RIPOR3: variants seen among roughly 807,000 people sequenced by gnomAD.
The protein encoded by RIPOR3 is family with sequence similarity 65 member C.
In RIPOR3, 95 loss-of-function variants were observed where a neutral mutation model predicts 114.3. The observed-to-expected ratio is 0.83, with a 90% CI of 0.70 to 0.99. The LOEUF is 0.99. Ranked by LOEUF, RIPOR3 falls within the 50% of genes least tolerant of loss-of-function variation. The pLI, the probability that RIPOR3 is intolerant of heterozygous loss-of-function variation, is 0.00. For synonymous variants in RIPOR3, 575 were observed against 543.8 expected (o/e 1.06, Z -0.80); for missense variants, 1,252 against 1,266.9 (o/e 0.99, Z 0.18).
chr20:50,615,263 C>G (rs62202773), intron 4 of RIPOR3, among the ~76,000 whole-genome samples: 2,118 of 151,990 alleles, frequency 0.014, 19 homozygotes, highest in Non-Finnish European at 0.022. Context: ...GTGCCTCACA[C>G]CTGTAATCCC....
chr20:50,687,827 T>C (rs1278169869), intron 1 of RIPOR3, among the ~76,000 whole-genome samples: 3 of 151,238 alleles, frequency 2.0e-5, no homozygotes, highest in African/African-American at 7.3e-5. Context: ...TGCTTGAACC[T>C]GGGAGGCGGA....
chr20:50,611,854 T>A (rs969331158), intron 4 of RIPOR3, among the ~76,000 whole-genome samples: 7 of 152,194 alleles, frequency 4.6e-5, no homozygotes, highest in Non-Finnish European at 1.0e-4. Flanking sequence ...CCAGGCGCAG[T>A]GGCTCACGCC....
chr20:50,639,325 A>G (rs1173471567), intron 1 of RIPOR3, among the ~76,000 whole-genome samples: 2 of 152,022 alleles, frequency 1.3e-5, no homozygotes, highest in Non-Finnish European at 2.9e-5. Flanking sequence ...GCATTGCTCA[A>G]AGAATTCACT....
intron 2 of RIPOR3, among the ~76,000 whole-genome samples, chr20:50,624,519 T>C (rs1460250979): frequency 6.6e-6 from 1 of 152,190 alleles, no homozygotes; most frequent in Non-Finnish European, 1.5e-5. Flanking sequence ...GTGCTCCTTG[T>C]GTGAGGTTTA....
chr20:50,623,542 G>A (rs555021794), intron 2 of RIPOR3, among the ~76,000 whole-genome samples: 1 of 152,288 alleles, frequency 6.6e-6, no homozygotes, highest in East Asian at 1.9e-4. Context: ...TGGACCTGGG[G>A]CCTCTCTAGT....
At chr20:50,652,768 G>A (rs1373118088) in intron 1 of RIPOR3, among the ~76,000 whole-genome samples, 1 of 152,132 alleles carries the variant, frequency 6.6e-6, no homozygotes, top group Non-Finnish European at 1.5e-5. Context: ...GAGGGCGGTC[G>A]TCATCCAAAA....
In RIPOR3 at chr20:50,590,499, T is replaced by G. The variant is rs540836578; in HGVS notation, c.2578-730A>C. 5.9e-5 allele frequency among the ~76,000 whole-genome samples: 9 copies of G among 152,292 alleles called. No homozygotes were observed. The East Asian group carries it at 1.7e-3, about 29-fold the overall frequency. ...AGGTGTAGAGTTGGCTCCAGGGACC[T>G]GGGCCCAGAGCCAAAAGAGAATGGC... On this transcript the variant is annotated intron_variant, in intron 19 of 21. Coordinates refer to ENST00000327979, the MANE Select transcript of RIPOR3 (RefSeq NM_001290268.2).
At chr20:50,601,776 A>G (rs1601476355) in intron 13 of RIPOR3, among the ~76,000 whole-genome samples, 2 of 152,190 alleles carry the variant, frequency 1.3e-5, no homozygotes, top group African/African-American at 2.4e-5. Context: ...GTTTGTAGCC[A>G]CAAGCCACAG....
At chr20:50,658,272 A>C (rs2085883168) in intron 1 of RIPOR3, among the ~76,000 whole-genome samples, 1 of 152,248 alleles carries the variant, frequency 6.6e-6, no homozygotes, top group African/African-American at 2.4e-5. Flanking sequence ...AGCCTTAAAA[A>C]GGAAGAAAAT....
At chr20:50,663,204 C>T (rs953331271) in intron 1 of RIPOR3, among the ~76,000 whole-genome samples, 1 of 152,054 alleles carries the variant, frequency 6.6e-6, no homozygotes, top group Non-Finnish European at 1.5e-5. Flanking sequence ...ATTCTGCCTC[C>T]AAGGCCACAT....
At chr20:50,637,743 C>T (rs1345055766) in intron 1 of RIPOR3, among the ~76,000 whole-genome samples, 1 of 151,930 alleles carries the variant, frequency 6.6e-6, no homozygotes, top group African/African-American at 2.4e-5. Context: ...GGCGTAGTGG[C>T]GGGCTCCTGT....
intron 1 of RIPOR3, among the ~76,000 whole-genome samples, chr20:50,665,284 A>AC (rs71190585): frequency 2.6e-5 from 1 of 38,214 alleles, no homozygotes; most frequent in African/African-American, 4.2e-5. Context: ...TAAAAATACC[A>AC]AAAAAAAAAA....
intron 13 of RIPOR3, among the ~76,000 whole-genome samples, chr20:50,601,712 T>C (rs1352427697): frequency 6.6e-6 from 1 of 152,080 alleles, no homozygotes; most frequent in East Asian, 1.9e-4. Flanking sequence ...AACAGGGAAC[T>C]GTGTGGGGCC....
In RIPOR3 at chr20:50,596,297, G is replaced by C. The variant is rs761546880; in HGVS notation, c.1791-34C>G. 10 of 1,613,550 alleles carry C rather than the reference G, an allele frequency of 6.2e-6. No homozygotes were observed. In the South Asian group the frequency reaches 1.1e-4, roughly 18 times the overall value. On this transcript the variant is annotated intron_variant, in intron 14 of 21. Transcript: ENST00000327979. The stretch of plus-strand genomic sequence containing the variant: ...AATTGAGAACTGGGTGACCATTCCA[G>C]TTAGCAGTTCAGCTCCCTCTGAGGG...
intron 21 of RIPOR3, among the ~76,000 whole-genome samples, chr20:50,587,591 G>A (rs980156206): frequency 4.6e-5 from 7 of 152,194 alleles, no homozygotes; most frequent in Non-Finnish European, 8.8e-5. Context: ...AGAAGACAGC[G>A]AACACTCCCT....
At chr20:50,620,177 GAC>G (rs759568868) in intron 2 of RIPOR3, 45 bp from the exon 3 acceptor site, 4 of 1,601,436 alleles carry the variant, frequency 2.5e-6, no homozygotes, top group Non-Finnish European at 3.4e-6. Context: ...GAAGGGCCCT[GAC>G]AAAGCCCTCC....
chr20:50,653,393 C>T (rs1480336280), intron 1 of RIPOR3, among the ~76,000 whole-genome samples: 1 of 151,350 alleles, frequency 6.6e-6, no homozygotes, highest in Non-Finnish European at 1.5e-5. Flanking sequence ...GATGGTTGCA[C>T]AGCTTTGTGA....
At chr20:50,652,453 TG>T (rs2085642911) in intron 1 of RIPOR3, among the ~76,000 whole-genome samples, 2 of 151,038 alleles carry the variant, frequency 1.3e-5, no homozygotes, top group South Asian at 4.2e-4. Context: ...TAGCCAGGCG[TG>T]GTGGCGGGCG....
chr20:50,667,010 T>C (rs2123495943), intron 1 of RIPOR3, among the ~76,000 whole-genome samples: 1 of 152,300 alleles, frequency 6.6e-6, no homozygotes, highest in East Asian at 1.9e-4. Flanking sequence ...TATGCTTCTA[T>C]CCCTCCTAAC....
Sources: allele counts gnomAD v4.1 joint callset (sites outside exome capture counted in the v4.1 genomes callset), GRCh38; gene constraint gnomAD v4.1.1; transcripts MANE v1.5; gene names NCBI Gene and HGNC (gene_info 2026-07-23, HGNC 2026-07-21).